Variants in WASHC4 observed in about 807,000 individuals in gnomAD.
The protein encoded by WASHC4 is WASH complex subunit 7.
WASHC4 carries 86 observed loss-of-function variants against 166.6 expected under a neutral mutation model. That is an observed-to-expected ratio of 0.52 (90% CI 0.43 to 0.62). WASHC4 has a LOEUF of 0.62. Ranked by LOEUF, WASHC4 falls within the 20% of genes least tolerant of loss-of-function variation. The probability of loss-of-function intolerance (pLI) is 0.00; values close to 1 mark genes in which losing one functional copy is unlikely to be tolerated. For synonymous variants in WASHC4, 446 were observed against 451.6 expected (o/e 0.99, Z 0.16); for missense variants, 1,262 against 1,382.4 (o/e 0.91, Z 1.38).
intron 12 of WASHC4, 66 bp downstream of exon 12, chr12:105,126,428 T>A (rs1423035762): frequency 8.2e-7 from 1 of 1,219,784 alleles, no homozygotes; most frequent in African/African-American, 1.5e-5. Flanking sequence ...AACTAAATAT[T>A]TTAAAATGCA....
chr12:105,136,039 C>G (rs1882287120), intron 14 of WASHC4, among the ~76,000 whole-genome samples: 1 of 152,068 alleles, frequency 6.6e-6, no homozygotes, highest in African/African-American at 2.4e-5. Flanking sequence ...CACAGCTAGT[C>G]TAGGACGGTT....
intron 28 of WASHC4, among the ~76,000 whole-genome samples, chr12:105,158,595 A>G (rs907146309): frequency 1.3e-5 from 2 of 152,218 alleles, no homozygotes; most frequent in Non-Finnish European, 2.9e-5. Context: ...TGATAATCAC[A>G]TGTAATGGGT....
chr12:105,142,671 T>C, intron 19 of WASHC4, 113 bp downstream of exon 19: 1 of 670,940 alleles, frequency 1.5e-6, no homozygotes, highest in Non-Finnish European at 2.6e-6. Flanking sequence ...TTGACTGTTT[T>C]GTAAACTGCA....
intron 1 of WASHC4, among the ~76,000 whole-genome samples, chr12:105,110,445 G>C (rs1879567206): frequency 6.6e-6 from 1 of 152,160 alleles, no homozygotes; most frequent in Admixed American, 6.5e-5. Flanking sequence ...TTAAAATCCA[G>C]CTTATTCCAA....
chr12:105,118,421 A>G lies in WASHC4; in HGVS notation c.436-25A>G, dbSNP rs550333810. 1.7e-4 allele frequency: 261 copies of G among 1,506,034 alleles called. 3 individuals carry two copies. In the South Asian group the frequency reaches 2.6e-3, roughly 15 times the overall value. The allele number at this position is 1,506,034 out of a possible 1,614,324, so 93.3% of individuals were successfully genotyped here. ...GTGAGATTTAAAGAGTAACTTTATAATATATACCCACCTTCTCGTTTCAGG... is the reference window on the plus strand; with the variant it reads ...GTGAGATTTAAAGAGTAACTTTATAGTATATACCCACCTTCTCGTTTCAGG... On this transcript the variant is annotated intron_variant, in intron 6 of 32. Coordinates refer to ENST00000332180, the MANE Select transcript of WASHC4 (RefSeq NM_015275.3).
chr12:105,159,232 CAG>C (rs1884347101), intron 28 of WASHC4, among the ~76,000 whole-genome samples: 2 of 152,266 alleles, frequency 1.3e-5, no homozygotes, highest in South Asian at 2.1e-4. Context: ...GTGAGGAAAT[CAG>C]AGAGTAGGAT....
At chr12:105,120,968 A>G (rs1880681336) in intron 8 of WASHC4, 133 bp from the exon 9 acceptor site, 1 of 696,150 alleles carries the variant, frequency 1.4e-6, no homozygotes, top group Non-Finnish European at 2.6e-6. Flanking sequence ...TCCAACCTGT[A>G]GCTGAATAAA....
chr12:105,164,530 C>A, intron 31 of WASHC4, 111 bp from the exon 32 acceptor site: 1 of 884,628 alleles, frequency 1.1e-6, no homozygotes, highest in Non-Finnish European at 1.8e-6. Flanking sequence ...TTTATGATTT[C>A]CACTAGAGCT....
In WASHC4 at chr12:105,126,159, T is replaced by C. The variant is rs781385787; in HGVS notation, c.910+32T>C. The C allele has an allele frequency of 3.1e-6, 5 of 1,612,838 alleles. No individual in the cohort carries two copies. In the East Asian group the frequency reaches 8.9e-5, roughly 29 times the overall value. On this transcript the variant is annotated intron_variant, in intron 11 of 32. Transcript: ENST00000332180. ...TAAATCGCATTTTTTGGTTTTTGTT[T>C]ATAAAATTTGCATTTCCTTAAAAGC...
chr12:105,128,100 A>G (rs1881453904), intron 13 of WASHC4, among the ~76,000 whole-genome samples: 1 of 152,168 alleles, frequency 6.6e-6, no homozygotes, highest in African/African-American at 2.4e-5. Flanking sequence ...TAAAGATGTA[A>G]TGGGGATACT....
intron 2 of WASHC4, 69 bp from the exon 3 acceptor site, chr12:105,114,147 A>T: frequency 7.1e-7 from 1 of 1,407,390 alleles, no homozygotes; most frequent in Non-Finnish European, 1.0e-6. Context: ...AGCTAGCCTC[A>T]ATTTGTGTTT....
intron 8 of WASHC4, among the ~76,000 whole-genome samples, chr12:105,120,808 A>G (rs1427852741): frequency 6.6e-6 from 1 of 152,122 alleles, no homozygotes; most frequent in Non-Finnish European, 1.5e-5. Context: ...AGTTTTTCCC[A>G]GTAGTGCCGT....
At chr12:105,155,980 G>A (rs1566027507) in intron 26 of WASHC4, among the ~76,000 whole-genome samples, 1 of 152,224 alleles carries the variant, frequency 6.6e-6, no homozygotes, top group African/African-American at 2.4e-5. Flanking sequence ...ATTGCATATT[G>A]CAGTGCTCCA....
Position 105,127,257 on chromosome 12 carries a change from T to C in WASHC4, c.1167T>C (p.Thr389=). The C allele has an allele frequency of 6.2e-7, 1 of 1,612,026 alleles. No homozygotes were observed. The highest frequency in any genetic ancestry group is 8.5e-7 in the Non-Finnish European group (1 of 1,178,204). ...AAGCCATTAAAATACACAGGGATAC[T>C]TTTCTACAACAGAAAGCTCAATCAC... The part of the protein sequence containing the change: ...SLQAIKIHRD[T]FLQQKAQSLT... The change falls in exon 13 of 33, where the codon ACT becomes ACC. Residue 389 remains threonine (T), a synonymous_variant. Coordinates refer to ENST00000332180, the MANE Select transcript of WASHC4 (RefSeq NM_015275.3).
chr12:105,143,743 A>G (rs918540613), intron 20 of WASHC4, among the ~76,000 whole-genome samples: 8 of 151,980 alleles, frequency 5.3e-5, no homozygotes, highest in Admixed American at 4.6e-4. Context: ...CCATTTAGTG[A>G]TATTTTTATT....
chr12:105,157,181 T>C (rs1884219133), intron 27 of WASHC4, 55 bp from the exon 28 acceptor site: 2 of 881,120 alleles, frequency 2.3e-6, no homozygotes, highest in Non-Finnish European at 3.8e-6. Flanking sequence ...TATATCTGTG[T>C]CAATTGCACA....
chr12:105,136,175 G>T (rs1008500242), intron 14 of WASHC4, among the ~76,000 whole-genome samples: 1 of 152,116 alleles, frequency 6.6e-6, no homozygotes, highest in Admixed American at 6.5e-5. Context: ...TGCCAACTCA[G>T]AACTTAGGTG....
chr12:105,155,607 G>A (rs930867672), intron 26 of WASHC4, among the ~76,000 whole-genome samples: 2 of 152,144 alleles, frequency 1.3e-5, no homozygotes, highest in South Asian at 2.1e-4. Flanking sequence ...TTGGGAGGCC[G>A]AGGTGGGTGG....
Position 105,121,194 on chromosome 12 carries a change from A to G in WASHC4, c.655A>G (p.Met219Val), listed in dbSNP as rs577102569. 5.1e-6 allele frequency: 8 copies of G among 1,569,656 alleles called. No homozygotes were observed. Among genetic ancestry groups the G allele is most frequent in the African/African-American group, 1.3e-5 (1 of 74,212 alleles). Residue 219 changes from methionine to valine, a missense_variant, in exon 9 of 33, where the codon ATG becomes GTG. Met to Val is a conservative substitution (Grantham distance 21). Coordinates refer to ENST00000332180, the MANE Select transcript of WASHC4 (RefSeq NM_015275.3). ...TATCACACTGAAAGACCACTGGACTATGTACAAAAGGTACACCAATTAAAA... is the reference window on the plus strand; with the variant it reads ...TATCACACTGAAAGACCACTGGACTGTGTACAAAAGGTACACCAATTAAAA... ...NHITLKDHWT[M>V]YKRLLKSVHH...
Sources: gnomAD v4.1 joint callset for allele counts (sites outside exome capture counted in the v4.1 genomes callset) on GRCh38, gnomAD v4.1.1 for gene constraint, MANE v1.5 for transcripts, NCBI Gene and HGNC (gene_info 2026-07-23, HGNC 2026-07-21) for gene names.